The following FBXW8 variants were observed in gnomAD, a reference collection of about 807,000 sequenced individuals.
FBXW8 encodes the protein F-box and WD repeat domain containing 8.
In FBXW8, 57 loss-of-function variants were observed where a neutral mutation model predicts 65.3. That is an observed-to-expected ratio of 0.87 (90% CI 0.71 to 1.09). FBXW8 has a LOEUF of 1.09. Ranked by LOEUF, FBXW8 falls within the 50% of genes least tolerant of loss-of-function variation. FBXW8 has a pLI of 0.00. For missense variants in FBXW8, 777 were observed against 814.8 expected (o/e 0.95, Z 0.57); for synonymous variants, 308 against 330.2 (o/e 0.93, Z 0.73).
rs1592978564 is a variant in FBXW8 at position 117,028,457 on chromosome 12, A to G, written c.*285A>G. 1 of 470,600 alleles carries G rather than the reference A, an allele frequency of 2.1e-6. No homozygotes were observed. The highest frequency in any genetic ancestry group is 3.9e-6 in the Non-Finnish European group (1 of 256,208). 29.2% of individuals were successfully genotyped at this position (470,600 alleles called of 1,614,324 possible). On this transcript the variant is annotated 3_prime_UTR_variant, in exon 11 of 11. Coordinates refer to ENST00000652555, the MANE Select transcript of FBXW8 (RefSeq NM_153348.3). The surrounding 1 kb of genome is among the most constrained non-coding windows in gnomAD (Gnocchi z 4.1). The stretch of plus-strand genomic sequence containing the variant: ...TCAGCTCCCTCAGGACGCCTCAGGG[A>G]TCTCGCTGCGCGGTCCTATACGGTC...
chr12:116,913,306 A>G (rs192247477), intron 1 of FBXW8, among the ~76,000 whole-genome samples: 2 of 152,256 alleles, frequency 1.3e-5, no homozygotes, highest in Non-Finnish European at 2.9e-5. Context: ...GAAGCAAATC[A>G]TGTACAGTTG....
intron 6 of FBXW8, chr12:116,985,818 G>A (rs1487916746): frequency 6.4e-6 from 1 of 157,006 alleles, no homozygotes; most frequent in East Asian, 1.9e-4. Flanking sequence ...GGGAAGGAAG[G>A]TTTCCATTCC....
At chr12:116,978,905 C>T (rs1166348649) in intron 5 of FBXW8, 1 of 151,878 alleles carries the variant, frequency 6.6e-6, no homozygotes, top group East Asian at 1.9e-4. Context: ...AAAGTTCTGC[C>T]CTGAGCTCTT....
At chr12:117,011,945 G>A (rs1565941239) in intron 8 of FBXW8, among the ~76,000 whole-genome samples, 1 of 152,170 alleles carries the variant, frequency 6.6e-6, no homozygotes, top group African/African-American at 2.4e-5. Context: ...TCATAATGAA[G>A]CGATGTGTAG....
At chr12:116,913,297 A>G (rs1392977360) in intron 1 of FBXW8, among the ~76,000 whole-genome samples, 1 of 152,258 alleles carries the variant, frequency 6.6e-6, no homozygotes, top group African/African-American at 2.4e-5. Flanking sequence ...AATAGTAAAG[A>G]AGCAAATCAT....
At chr12:116,911,686 A>G (rs965919773) in intron 1 of FBXW8, among the ~76,000 whole-genome samples, 4 of 152,084 alleles carry the variant, frequency 2.6e-5, no homozygotes, top group African/African-American at 4.8e-5. Flanking sequence ...CACCACGCAC[A>G]AAAAAATTAT....
chr12:116,918,322 G>A (rs1407001055), intron 1 of FBXW8, among the ~76,000 whole-genome samples: 9 of 152,028 alleles, frequency 5.9e-5, no homozygotes, highest in African/African-American at 1.4e-4. Flanking sequence ...AACTTGCTTG[G>A]GCTCCATTTT....
chr12:116,996,722 G>A (rs191949623), intron 7 of FBXW8, among the ~76,000 whole-genome samples: 2 of 152,268 alleles, frequency 1.3e-5, no homozygotes, highest in Non-Finnish European at 2.9e-5. Flanking sequence ...GTGGAGACCA[G>A]TTTTCTGGGC....
At chr12:116,912,677 A>C (rs562642484) in intron 1 of FBXW8, among the ~76,000 whole-genome samples, 5 of 152,024 alleles carry the variant, frequency 3.3e-5, no homozygotes, top group Admixed American at 3.3e-4. Flanking sequence ...GTTAGCCAGG[A>C]TGGTCTCGAT....
intron 2 of FBXW8, among the ~76,000 whole-genome samples, chr12:116,937,140 G>A (rs1433633385): frequency 5.3e-5 from 8 of 152,112 alleles, no homozygotes; most frequent in Non-Finnish European, 1.5e-5. Flanking sequence ...CATGGTGTTT[G>A]CCTTGAGCAA....
At chr12:117,024,070 C>T (rs759776837) in intron 8 of FBXW8, 77 bp from the exon 9 acceptor site, 41 of 1,496,550 alleles carry the variant, frequency 2.7e-5, no homozygotes, top group East Asian at 1.8e-4. Flanking sequence ...AGACCAGCAC[C>T]GTGGAGGGGG....
rs150162104 is a variant in FBXW8, at chr12:117,013,072, C to T, written c.1367+2622C>T. On this transcript the variant is annotated intron_variant, in intron 8 of 10. Transcript: ENST00000652555. ...TCAGCCTGGCCAGATGGTGAAACCC[C>T]GTCTCTACTAAAATACAAAAATTAG... 9.1e-3 allele frequency among the ~76,000 whole-genome samples: 1,388 copies of T among 152,078 alleles called. 17 individuals are homozygous for T. Among genetic ancestry groups the T allele is most frequent in the Non-Finnish European group, 0.013 (877 of 67,984 alleles).
At chr12:116,974,912 A>C (rs1383100457) in intron 5 of FBXW8, among the ~76,000 whole-genome samples, 1 of 152,236 alleles carries the variant, frequency 6.6e-6, no homozygotes. Flanking sequence ...AAATAAATAA[A>C]AAGATGAAGG....
chr12:116,950,644 C>T (rs1340419273), intron 4 of FBXW8: 1 of 152,180 alleles, frequency 6.6e-6, no homozygotes, highest in Admixed American at 6.5e-5. Flanking sequence ...AAAAGTATTT[C>T]TGCTTTAAAC....
intron 1 of FBXW8, among the ~76,000 whole-genome samples, chr12:116,924,867 A>C (rs1881197577): frequency 6.6e-6 from 1 of 152,168 alleles, no homozygotes; most frequent in African/African-American, 2.4e-5. Context: ...ATAATAACAA[A>C]CTGAAGTTGA....
chr12:116,955,123 G>C (rs1883561724), intron 4 of FBXW8, among the ~76,000 whole-genome samples: 1 of 151,454 alleles, frequency 6.6e-6, no homozygotes, highest in South Asian at 2.1e-4. Flanking sequence ...AGCCAAGTGT[G>C]TAAGAAAGGA....
At chr12:117,017,710 T>G (rs1953986406) in intron 8 of FBXW8, among the ~76,000 whole-genome samples, 1 of 152,174 alleles carries the variant, frequency 6.6e-6, no homozygotes, top group South Asian at 2.1e-4. Flanking sequence ...CCTTATTGCT[T>G]GTTCTCTTTG....
chr12:117,023,712 C>A (rs914248544), intron 8 of FBXW8, among the ~76,000 whole-genome samples: 2 of 152,226 alleles, frequency 1.3e-5, no homozygotes, highest in African/African-American at 2.4e-5. Context: ...AAAAAGTGTT[C>A]TTTTCCTAAC....
chr12:116,977,051 T>G (rs1019237355), intron 5 of FBXW8, among the ~76,000 whole-genome samples: 2 of 152,182 alleles, frequency 1.3e-5, no homozygotes, highest in African/African-American at 2.4e-5. Flanking sequence ...CAAAACCATC[T>G]ATTTGTTGGG....
Sources: gnomAD v4.1 joint callset for allele counts (sites outside exome capture counted in the v4.1 genomes callset) on GRCh38, gnomAD v4.1.1 for gene constraint, Gnocchi (gnomAD v3.1) non-coding constraint, MANE v1.5 for transcripts, NCBI Gene and HGNC (gene_info 2026-07-23, HGNC 2026-07-21) for gene names.